Variants in CNOT2 observed in about 807,000 individuals in gnomAD.
CNOT2 encodes CCR4-NOT transcription complex subunit 2, also known as CC chemokine receptor 4-negative regulator of transcription 2.
CNOT2 carries 7 observed loss-of-function variants against 72.1 expected under a neutral mutation model. The observed-to-expected ratio is 0.10, with a 90% CI of 0.06 to 0.18. CNOT2 has a LOEUF of 0.18. CNOT2 is among the 10% of genes least tolerant of loss of function. The pLI is 1.00. For missense variants in CNOT2, 345 were observed against 660.3 expected, an observed-to-expected ratio of 0.52 and a Z score of 5.23; for synonymous variants, 196 against 225.6, an observed-to-expected ratio of 0.87 and a Z score of 1.17.
intron 2 of CNOT2, among the ~76,000 whole-genome samples, chr12:70,306,653 G>A (rs983664287): frequency 2.0e-5 from 3 of 152,118 alleles, no homozygotes; most frequent in South Asian, 2.1e-4. Context: ...AAGTAAAAAG[G>A]TGGTCACTTA....
intron 11 of CNOT2, among the ~76,000 whole-genome samples, chr12:70,339,049 TGC>T (rs1881109588): frequency 7.1e-6 from 1 of 141,812 alleles, no homozygotes; most frequent in Admixed American, 7.0e-5. Context: ...TGTGTGTGTG[TGC>T]ATGTGCATGT....
chr12:70,309,872 A>G (rs1205297099), intron 2 of CNOT2, among the ~76,000 whole-genome samples: 2 of 152,118 alleles, frequency 1.3e-5, no homozygotes, highest in Non-Finnish European at 2.9e-5. Flanking sequence ...AAATTAGCAC[A>G]GATTTTAATA....
At chr12:70,304,429 C>T (rs1285192531) in intron 2 of CNOT2, among the ~76,000 whole-genome samples, 3 of 152,176 alleles carry the variant, frequency 2.0e-5, no homozygotes, top group Non-Finnish European at 2.9e-5. Flanking sequence ...CAGCCAGGAC[C>T]CTCAGCTGCA....
At chr12:70,246,653 G>C (rs1430161356) in intron 1 of CNOT2, among the ~76,000 whole-genome samples, 1 of 152,190 alleles carries the variant, frequency 6.6e-6, no homozygotes, top group Non-Finnish European at 1.5e-5. Flanking sequence ...GAAAAGAGCT[G>C]TGCTAAAGTT....
chr12:70,332,993 A>G, intron 7 of CNOT2, 147 bp downstream of exon 7: 1 of 1,265,370 alleles, frequency 7.9e-7, no homozygotes, highest in Non-Finnish European at 1.0e-6. Context: ...TAGGAATAGG[A>G]TTCAATACAG....
chr12:70,311,178 G>A (rs1876395686), intron 3 of CNOT2, among the ~76,000 whole-genome samples, 161 bp downstream of exon 3: 1 of 151,964 alleles, frequency 6.6e-6, no homozygotes, highest in South Asian at 2.1e-4. Context: ...GGGATACAAA[G>A]ACAATGAATT....
intron 3 of CNOT2, 90 bp downstream of exon 3, chr12:70,311,107 CTG>C (rs1876378312): frequency 1.1e-6 from 1 of 874,740 alleles, no homozygotes; most frequent in Admixed American, 1.9e-5. Flanking sequence ...AGAATACTGT[CTG>C]TGGTTGAGTG....
At chr12:70,291,476 T>C (rs1462607786) in intron 2 of CNOT2, among the ~76,000 whole-genome samples, 1 of 152,176 alleles carries the variant, frequency 6.6e-6, no homozygotes, top group Admixed American at 6.5e-5. Context: ...GTGAAGAGCC[T>C]TTAGTTTGAG....
intron 1 of CNOT2, among the ~76,000 whole-genome samples, chr12:70,276,579 G>C (rs564309311): frequency 6.6e-6 from 1 of 152,008 alleles, no homozygotes; most frequent in Non-Finnish European, 1.5e-5. Flanking sequence ...GAAAATTTGA[G>C]TTGGAGCCAA....
At chr12:70,314,831 T>C (rs1394425124) in intron 3 of CNOT2, among the ~76,000 whole-genome samples, 1 of 145,482 alleles carries the variant, frequency 6.9e-6, no homozygotes. Context: ...CCTTTTCTCT[T>C]TTGTTCTTGT....
chr12:70,351,127 C>T (rs182443621), intron 15 of CNOT2, among the ~76,000 whole-genome samples: 1 of 151,910 alleles, frequency 6.6e-6, no homozygotes, highest in Admixed American at 6.6e-5. Context: ...TTTTTTTCCA[C>T]TAAAAGCAAA....
At chr12:70,304,206 A>G (rs141827248) in intron 2 of CNOT2, among the ~76,000 whole-genome samples, 1 of 151,066 alleles carries the variant, frequency 6.6e-6, no homozygotes, top group East Asian at 1.9e-4. Context: ...TCAACTCATC[A>G]AAGTCATTCT....
chr12:70,266,528 T>A (rs1959054578), intron 1 of CNOT2, among the ~76,000 whole-genome samples: 1 of 152,208 alleles, frequency 6.6e-6, no homozygotes, highest in South Asian at 2.1e-4. Context: ...TATAATTACT[T>A]AGAGGAGTAT....
chr12:70,353,393 A>G (rs1472565327), intron 15 of CNOT2, among the ~76,000 whole-genome samples: 1 of 152,146 alleles, frequency 6.6e-6, no homozygotes, highest in Non-Finnish European at 1.5e-5. Context: ...TTTTTAATAT[A>G]AATGTAATAA....
chr12:70,354,100 C>A lies in CNOT2; in HGVS notation c.*185C>A. 9.3e-7 allele frequency: 1 copy of A among 1,070,764 alleles called. No homozygotes were observed. The highest frequency in any genetic ancestry group is 1.2e-6 in the Non-Finnish European group (1 of 811,764). 66.3% of individuals were successfully genotyped at this position (1,070,764 alleles called of 1,614,324 possible). A position where few individuals can be genotyped will look rare whatever the true frequency, so the allele number is the denominator to read the frequency against. ...TCCTGCCTTACTAATTATGTGCTGC[C>A]CAACAACTAAATTTGTAATTTGTTT... On this transcript the variant is annotated 3_prime_UTR_variant, in exon 16 of 16. Coordinates refer to ENST00000229195, the MANE Select transcript of CNOT2 (RefSeq NM_014515.7).
intron 15 of CNOT2, among the ~76,000 whole-genome samples, chr12:70,350,261 A>G (rs1021778523): frequency 6.6e-6 from 1 of 152,164 alleles, no homozygotes; most frequent in Non-Finnish European, 1.5e-5. Flanking sequence ...AAATTTAAGA[A>G]TTCTTTCGGC....
chr12:70,296,929 C>T (rs984529467), intron 2 of CNOT2, among the ~76,000 whole-genome samples: 2 of 152,054 alleles, frequency 1.3e-5, no homozygotes, highest in Admixed American at 6.6e-5. Flanking sequence ...ATTTGATATA[C>T]GAATATTCTA....
intron 15 of CNOT2, among the ~76,000 whole-genome samples, chr12:70,349,736 A>G (rs1386306274): frequency 6.6e-6 from 1 of 152,222 alleles, no homozygotes; most frequent in Non-Finnish European, 1.5e-5. Context: ...ATGGTGGCTC[A>G]TGCCTGTAAT....
intron 4 of CNOT2, chr12:70,323,875 C>T (rs1348519237): frequency 1.3e-5 from 2 of 151,644 alleles, no homozygotes; most frequent in East Asian, 3.9e-4. Context: ...TTTGGTACCA[C>T]CTGTTGGCTT....
Sources: allele counts gnomAD v4.1 joint callset (sites outside exome capture counted in the v4.1 genomes callset), GRCh38; gene constraint gnomAD v4.1.1; transcripts MANE v1.5; gene names NCBI Gene and HGNC (gene_info 2026-07-23, HGNC 2026-07-21).